The following TTC3 variants were observed in gnomAD, a reference collection of about 807,000 sequenced individuals.
TTC3 encodes tetratricopeptide repeat domain 3, also known as E3 ubiquitin-protein ligase TTC3.
In TTC3, 180 loss-of-function variants were observed where a neutral mutation model predicts 249.6. The observed-to-expected ratio is 0.72, with a 90% confidence interval of 0.64 to 0.82. TTC3 has a LOEUF of 0.82. Among genes scored for constraint, TTC3 ranks in the 40% least tolerant of loss-of-function variants. TTC3 has a pLI of 0.00. For synonymous variants in TTC3, 717 were observed against 805.0 expected, an observed-to-expected ratio of 0.89 and a Z score of 1.85; for missense variants, 2,061 against 2,398.4, an observed-to-expected ratio of 0.86 and a Z score of 2.94.
intron 41 of TTC3, chr21:37,194,920 G>A (rs998528902): frequency 6.6e-6 from 1 of 152,272 alleles, no homozygotes; most frequent in Non-Finnish European, 1.5e-5. Context: ...AGTGGGGGTG[G>A]AGGGAAGAGA....
At chr21:37,180,093 C>T (rs1276058885) in intron 35 of TTC3, among the ~76,000 whole-genome samples, 3 of 152,150 alleles carry the variant, frequency 2.0e-5, no homozygotes, top group Admixed American at 6.5e-5. Flanking sequence ...TCTTGTGGGG[C>T]GTTTCTGCAG....
rs188940824 is a variant in TTC3, at chr21:37,111,698, C to T, written c.900+3252C>T. ...TGAACTCAGCTCTGCACCAAGCGGA[C>T]CTAATAGACATCTGCAGAACTCTCC... On this transcript the variant is annotated intron_variant, in intron 11 of 45. Transcript: ENST00000355666. Among the ~76,000 whole-genome samples the T allele has an allele frequency of 2.4e-3, 359 of 152,218 alleles. 2 individuals are homozygous for T. Among genetic ancestry groups the T allele is most frequent in the African/African-American group, 8.0e-3 (331 of 41,538 alleles).
intron 15 of TTC3, among the ~76,000 whole-genome samples, chr21:37,127,560 C>A (rs187535922): frequency 6.6e-6 from 1 of 152,126 alleles, no homozygotes; most frequent in African/African-American, 2.4e-5. Context: ...TAGGAAAATA[C>A]AGGTTTTCTT....
At chr21:37,074,517 ATAGAG>A (rs1485417329) in intron 1 of TTC3, among the ~76,000 whole-genome samples, 3 of 152,284 alleles carry the variant, frequency 2.0e-5, no homozygotes, top group South Asian at 4.1e-4. Flanking sequence ...TTAATGGTTT[ATAGAG>A]TATTTTATGG....
At chr21:37,187,063 A>G in exon 38 of TTC3, 1 of 1,544,768 alleles carries the variant, frequency 6.5e-7, no homozygotes, top group South Asian at 1.3e-5. Flanking sequence ...ACACTTACAA[A>G]TGAGAAAATG....
At chr21:37,138,858 T>G in intron 19 of TTC3, 144 bp downstream of exon 19, 4 of 503,754 alleles carry the variant, frequency 7.9e-6, no homozygotes, top group Non-Finnish European at 1.3e-5. Flanking sequence ...AGTTTGTGTT[T>G]TTAAAGAATA....
At chr21:37,200,440 C>A in intron 45 of TTC3, 116 bp downstream of exon 45, 3 of 1,114,346 alleles carry the variant, frequency 2.7e-6, no homozygotes, top group Non-Finnish European at 2.6e-6. Context: ...AAACTATTTT[C>A]TTTGCAAACC....
intron 16 of TTC3, among the ~76,000 whole-genome samples, chr21:37,131,735 G>A (rs577972452): frequency 6.6e-6 from 1 of 152,150 alleles, no homozygotes; most frequent in South Asian, 2.1e-4. Context: ...CTGGGAGTTA[G>A]TATCAGAACT....
chr21:37,174,897 T>G (rs1015210431), intron 35 of TTC3, among the ~76,000 whole-genome samples: 1 of 152,108 alleles, frequency 6.6e-6, no homozygotes, highest in Admixed American at 6.6e-5. Flanking sequence ...GGAGGAACTG[T>G]CCCACCCAAA....
chr21:37,169,523 G>A (rs377718551), intron 34 of TTC3, among the ~76,000 whole-genome samples: 3 of 151,970 alleles, frequency 2.0e-5, no homozygotes, highest in East Asian at 3.9e-4. Context: ...CAGCCTGGGC[G>A]ACAGAGTGAG....
In TTC3 at chr21:37,088,264, AAAAT is replaced by A. The variant is rs757216795; in HGVS notation, c.260_263del (p.Ile87ThrfsTer15). ...CCTGCAAGATTATTGCGATGCCATT[AAAAT>A]AAACATCTTCTGGCCACTTCTGTTT... is the stretch of plus-strand genomic sequence containing the variant. On this transcript the variant is annotated frameshift_variant, in exon 4 of 46. Transcript: ENST00000355666. LOFTEE classifies it high-confidence loss of function. 3 of 1,613,546 alleles carry A rather than the reference AAAAT, an allele frequency of 1.9e-6. No individual in the cohort carries two copies. Among genetic ancestry groups the A allele is most frequent in the Non-Finnish European group, 2.5e-6 (3 of 1,179,790 alleles).
intron 35 of TTC3, among the ~76,000 whole-genome samples, chr21:37,175,768 T>A (rs1017075232): frequency 5.9e-5 from 9 of 151,804 alleles, no homozygotes; most frequent in African/African-American, 2.2e-4. Flanking sequence ...AGTGGCTTTT[T>A]AAATTTTTTT....
exon 16 of TTC3, chr21:37,129,061 C>G: frequency 6.3e-7 from 1 of 1,586,562 alleles, no homozygotes; most frequent in Non-Finnish European, 8.6e-7. Context: ...CAGAAAAGTT[C>G]AGGTATGTTT....
At chr21:37,172,729 C>T in exon 35 of TTC3, 2 of 1,613,806 alleles carry the variant, frequency 1.2e-6, no homozygotes, top group African/African-American at 1.3e-5. Flanking sequence ...TGAAAAGGCA[C>T]TTAGAAGAAA....
chr21:37,195,735 G>A, exon 42 of TTC3: 1 of 1,614,096 alleles, frequency 6.2e-7, no homozygotes, highest in Non-Finnish European at 8.5e-7. Context: ...TGTGACTTCT[G>A]CAAGCGACGT....
chr21:37,091,435 T>C (rs1351691535), intron 7 of TTC3, 22 bp downstream of exon 7: 1 of 1,585,766 alleles, frequency 6.3e-7, no homozygotes, highest in Non-Finnish European at 8.6e-7. Context: ...TGCTTTAAAT[T>C]GTTACTTGAC....
chr21:37,156,927 CTT>C (rs1240721722), intron 28 of TTC3, 21 bp downstream of exon 28: 1 of 1,604,300 alleles, frequency 6.2e-7, no homozygotes. Flanking sequence ...TGAGTTTAGA[CTT>C]ATATTACATT....
intron 10 of TTC3, among the ~76,000 whole-genome samples, chr21:37,104,417 C>A (rs1360449113): frequency 2.0e-5 from 3 of 151,992 alleles, no homozygotes; most frequent in Non-Finnish European, 4.4e-5. Flanking sequence ...TGGTGAAACC[C>A]TTTCTCTACT....
At chr21:37,150,785 G>A (rs1418007071) in intron 24 of TTC3, 35 bp from the exon 25 acceptor site, 3 of 1,480,378 alleles carry the variant, frequency 2.0e-6, no homozygotes, top group Non-Finnish European at 2.8e-6. Flanking sequence ...ATGGGAGTAT[G>A]AGACAAATTT....
Sources: gnomAD v4.1 joint callset for allele counts (sites outside exome capture counted in the v4.1 genomes callset) on GRCh38, gnomAD v4.1.1 for gene constraint, MANE v1.5 for transcripts, NCBI Gene and HGNC (gene_info 2026-07-23, HGNC 2026-07-21) for gene names.